The following GULP1 variants were observed in gnomAD, a reference collection of about 807,000 sequenced individuals.
GULP1 encodes GULP PTB domain containing engulfment adaptor 1.
A neutral mutation model predicts 40.9 loss-of-function variants in GULP1; 19 were observed. The observed-to-expected ratio is 0.46, with a 90% CI of 0.32 to 0.68. The LOEUF is 0.68. Among genes scored for constraint, GULP1 ranks in the 30% least tolerant of loss-of-function variants. The probability of loss-of-function intolerance (pLI) is 0.03; values close to 1 mark genes in which losing one functional copy is unlikely to be tolerated. For synonymous variants in GULP1, 119 were observed against 117.6 expected, an observed-to-expected ratio of 1.01 and a Z score of -0.08; for missense variants, 312 against 362.2, an observed-to-expected ratio of 0.86 and a Z score of 1.12.
At chr2:188,545,575 G>A (rs1461716930) in intron 7 of GULP1, among the ~76,000 whole-genome samples, 4 of 151,656 alleles carry the variant, frequency 2.6e-5, no homozygotes, top group East Asian at 3.9e-4. Flanking sequence ...CCATTAACAC[G>A]TTGTATAATG....
intron 4 of GULP1, among the ~76,000 whole-genome samples, chr2:188,510,186 C>A (rs2064360876): frequency 1.3e-5 from 2 of 151,952 alleles, no homozygotes; most frequent in South Asian, 4.1e-4. Flanking sequence ...AGTGTTCAGG[C>A]ACATAAGTAC....
chr2:188,372,805 C>T, intron 1 of GULP1, among the ~76,000 whole-genome samples: 1 of 151,904 alleles, frequency 6.6e-6, no homozygotes, highest in East Asian at 1.9e-4. Context: ...GAAGACTGAG[C>T]TCAAATGAGA....
Position 188,415,173 on chromosome 2 carries a change from C to G in GULP1, c.-45+31284C>G, listed in dbSNP as rs373239947. On this transcript the variant is annotated intron_variant, in intron 2 of 11. Coordinates refer to ENST00000409830, the MANE Select transcript of GULP1 (RefSeq NM_016315.4). ...GATACTGCTAATTTTCTTCAAAAGTCCTTTGGATCTTTTGCTAGAGAAAGG... is the reference window on the plus strand; with the variant it reads ...GATACTGCTAATTTTCTTCAAAAGTGCTTTGGATCTTTTGCTAGAGAAAGG... Among the ~76,000 whole-genome samples, 33 of 152,132 alleles carry G rather than the reference C, an allele frequency of 2.2e-4. 1 individual carries two copies. Among genetic ancestry groups the G allele is most frequent in the African/African-American group, 8.0e-4 (33 of 41,504 alleles).
intron 2 of GULP1, among the ~76,000 whole-genome samples, chr2:188,444,004 C>T (rs1010739651): frequency 3.3e-5 from 5 of 152,034 alleles, no homozygotes; most frequent in African/African-American, 1.2e-4. Flanking sequence ...TGAAAATCCA[C>T]TGTGGCATCC....
intron 2 of GULP1, among the ~76,000 whole-genome samples, chr2:188,454,142 C>A (rs540110957): frequency 6.6e-6 from 1 of 152,192 alleles, no homozygotes; most frequent in Non-Finnish European, 1.5e-5. Context: ...TGCTCCCAAG[C>A]TCTTGTCCTA....
At chr2:188,582,169 A>G (rs1701454905) in intron 9 of GULP1, among the ~76,000 whole-genome samples, 2 of 152,246 alleles carry the variant, frequency 1.3e-5, no homozygotes, top group South Asian at 2.1e-4. Flanking sequence ...TCTAAGGACT[A>G]TCACATAGGA....
intron 4 of GULP1, among the ~76,000 whole-genome samples, chr2:188,519,105 G>T (rs2065476633): frequency 6.6e-6 from 1 of 152,030 alleles, no homozygotes; most frequent in Non-Finnish European, 1.5e-5. Flanking sequence ...TAGCATGATT[G>T]TCCTATAGGT....
intron 1 of GULP1, among the ~76,000 whole-genome samples, chr2:188,361,163 G>A (rs557781084): frequency 5.9e-5 from 9 of 152,160 alleles, no homozygotes; most frequent in Admixed American, 5.2e-4. Flanking sequence ...GAGAGTCGCT[G>A]TCATTGTTTT....
intron 1 of GULP1, among the ~76,000 whole-genome samples, chr2:188,344,682 C>T (rs553377697): frequency 6.6e-6 from 1 of 152,134 alleles, no homozygotes; most frequent in African/African-American, 2.4e-5. Context: ...CTGGGTCATC[C>T]AGTTGTGTGG....
At chr2:188,465,283 A>G (rs1445239492) in intron 2 of GULP1, among the ~76,000 whole-genome samples, 1 of 152,022 alleles carries the variant, frequency 6.6e-6, no homozygotes, top group African/African-American at 2.4e-5. Context: ...TTTCTGGTAC[A>G]TGGTGTTTCT....
intron 5 of GULP1, among the ~76,000 whole-genome samples, chr2:188,526,943 C>T (rs891675185): frequency 6.6e-6 from 1 of 152,090 alleles, no homozygotes; most frequent in Non-Finnish European, 1.5e-5. Flanking sequence ...CTGTTTTGAG[C>T]ACAATTAATT....
At chr2:188,484,713 A>C (rs1319358815) in intron 4 of GULP1, among the ~76,000 whole-genome samples, 1 of 152,182 alleles carries the variant, frequency 6.6e-6, no homozygotes. Flanking sequence ...CTAAGTCTGA[A>C]TCAGAAGGAA....
intron 4 of GULP1, among the ~76,000 whole-genome samples, chr2:188,520,877 G>A (rs1380949912): frequency 1.3e-5 from 2 of 152,088 alleles, no homozygotes; most frequent in Admixed American, 6.6e-5. Context: ...TTTCATGCCA[G>A]TTGTGCAGCG....
chr2:188,459,780 C>G (rs181666097), intron 2 of GULP1, among the ~76,000 whole-genome samples: 15 of 152,132 alleles, frequency 9.9e-5, no homozygotes, highest in Admixed American at 5.2e-4. Flanking sequence ...AATTTGAAGT[C>G]TTAGATTTAA....
At chr2:188,505,498 A>G (rs1410710312) in intron 4 of GULP1, among the ~76,000 whole-genome samples, 1 of 151,878 alleles carries the variant, frequency 6.6e-6, no homozygotes, top group Non-Finnish European at 1.5e-5. Context: ...TAGAATGTAC[A>G]TATTATAATA....
At chr2:188,424,351 TAC>T (rs1373576135) in intron 2 of GULP1, among the ~76,000 whole-genome samples, 5 of 151,892 alleles carry the variant, frequency 3.3e-5, no homozygotes, top group Admixed American at 6.6e-5. Context: ...GGAACAAAAG[TAC>T]ACAGAGTAGT....
intron 7 of GULP1, among the ~76,000 whole-genome samples, chr2:188,563,348 A>G (rs939980020): frequency 6.6e-6 from 1 of 151,708 alleles, no homozygotes; most frequent in Non-Finnish European, 1.5e-5. Flanking sequence ...ATTCTTTAAA[A>G]GGATACAAAG....
chr2:188,536,136 T>C (rs1405260756), intron 6 of GULP1, among the ~76,000 whole-genome samples: 1 of 152,176 alleles, frequency 6.6e-6, no homozygotes, highest in Non-Finnish European at 1.5e-5. Flanking sequence ...TTTCTCCCAT[T>C]CTGTAAGGTG....
chr2:188,391,642 C>G (rs925650445), intron 2 of GULP1, among the ~76,000 whole-genome samples: 1 of 151,968 alleles, frequency 6.6e-6, no homozygotes, highest in Admixed American at 6.6e-5. Context: ...ACTTCCAGTA[C>G]TATATTGAAT....
Sources: allele counts gnomAD v4.1 joint callset (sites outside exome capture counted in the v4.1 genomes callset), GRCh38; gene constraint gnomAD v4.1.1; transcripts MANE v1.5; gene names NCBI Gene and HGNC (gene_info 2026-07-23, HGNC 2026-07-21).